OGDHL: variants seen among roughly 807,000 people sequenced by gnomAD.
The protein encoded by OGDHL is oxoglutarate dehydrogenase L.
OGDHL carries 79 observed loss-of-function variants against 109.6 expected under a neutral mutation model. The ratio of observed to expected loss-of-function variants is 0.72; its 90% confidence interval spans 0.60 to 0.87. OGDHL has a LOEUF of 0.87. Among genes scored for constraint, OGDHL ranks in the 40% least tolerant of loss-of-function variants. OGDHL has a pLI of 0.00. For synonymous variants in OGDHL, 528 were observed against 537.2 expected, an observed-to-expected ratio of 0.98 and a Z score of 0.24; for missense variants, 1,275 against 1,362.2, an observed-to-expected ratio of 0.94 and a Z score of 1.01.
At chr10:49,750,497 T>G (rs576229738) in intron 7 of OGDHL, among the ~76,000 whole-genome samples, 1 of 152,270 alleles carries the variant, frequency 6.6e-6, no homozygotes, top group South Asian at 2.1e-4. Context: ...TGCCCTCCCT[T>G]CCCTGGAAGA....
intron 10 of OGDHL, among the ~76,000 whole-genome samples, chr10:49,746,278 G>A (rs138159955): frequency 1.3e-3 from 192 of 152,256 alleles, no homozygotes; most frequent in Admixed American, 2.2e-3. Flanking sequence ...CTGCAACCTG[G>A]GGCAAGGTGC....
At chr10:49,759,487 T>C (rs1198080070) in intron 1 of OGDHL, among the ~76,000 whole-genome samples, 1 of 150,426 alleles carries the variant, frequency 6.6e-6, no homozygotes, top group Admixed American at 6.6e-5. Flanking sequence ...CTTTCAGTGA[T>C]GGGGGCTTTC....
intron 12 of OGDHL, 108 bp from the exon 13 acceptor site, chr10:49,744,860 ACT>A (rs1237787528): frequency 2.3e-6 from 2 of 878,102 alleles, no homozygotes; most frequent in African/African-American, 3.3e-5. Context: ...TTCTTCTAGA[ACT>A]CTCTGTCTCT....
At chr10:49,757,392 G>A (rs112817638) in intron 2 of OGDHL, among the ~76,000 whole-genome samples, 5 of 152,264 alleles carry the variant, frequency 3.3e-5, no homozygotes, top group South Asian at 4.1e-4. Context: ...GCTTTCCTCC[G>A]TGCACTCCCA....
At chr10:49,735,437 G>A (rs542262165) in intron 22 of OGDHL, 86 bp from the exon 23 acceptor site, 12 of 1,496,466 alleles carry the variant, frequency 8.0e-6, no homozygotes, top group Admixed American at 4.1e-5. Context: ...CAGGGGGCAC[G>A]CATCTGAGAA....
In OGDHL at chr10:49,736,046, G is replaced by T. The variant is rs777997434; in HGVS notation, c.2886C>A (p.Ile962=). The change falls in exon 22 of 23, where the codon ATC becomes ATA. Residue 962 remains isoleucine (I), a synonymous_variant. Coordinates refer to ENST00000374103, the MANE Select transcript of OGDHL (RefSeq NM_018245.3). ...ACCATATGGGCCGTGCGCGCCTCAGGATGGTCATGAAGCGTGGGCTGATGT... is the reference window on the plus strand; with the variant it reads ...ACCATATGGGCCGTGCGCGCCTCAGTATGGTCATGAAGCGTGGGCTGATGT... ...YDYISPRFMT[I]LRRARPIWYV... is the part of the protein sequence containing the mutation. 1.5e-5 allele frequency: 24 copies of T among 1,598,614 alleles called. No individual in the cohort carries two copies. The South Asian group carries it at 2.7e-4, about 18-fold the overall frequency.
Position 49,745,347 on chromosome 10 carries a change from A to C in OGDHL, c.1626T>G (p.Phe542Leu). The change falls in exon 12 of 23, where the codon TTT (phenylalanine) becomes TTG (leucine). Residue 542 changes from phenylalanine (F) to leucine (L), a missense_variant. Transcript: ENST00000374103. ...IAEGTVTLQE[F>L]EEEIAKYDRI... Reference sequence around the variant, plus strand: ...CCCCTGCAGCCTGCCTGCCCACCTCAAACTCCTGCAGGGTGACTGTGCCCT... The same window carrying C: ...CCCCTGCAGCCTGCCTGCCCACCTCCAACTCCTGCAGGGTGACTGTGCCCT... 1 of 1,613,566 alleles carries C rather than the reference A, an allele frequency of 6.2e-7. No individual in the cohort carries two copies. The highest frequency in any genetic ancestry group is 8.5e-7 in the Non-Finnish European group (1 of 1,179,970).
rs1337660431 is a variant in OGDHL at position 49,736,475 on chromosome 10, C to A, written c.2636G>T (p.Arg879Leu). ...RVIPEDGAAA[R>L]APEQVQRLIF... ...GAGCCGCTGCACCTGCTCAGGGGCC[C>A]GTGCTGCGGCCCCATCTTCAGGAAT... The change falls in exon 21 of 23, where the codon CGG becomes CTG. Residue 879 changes from arginine (R) to leucine (L), a missense_variant. By Grantham distance (102) the Arg-to-Leu change is moderately radical. Coordinates refer to ENST00000374103, the MANE Select transcript of OGDHL (RefSeq NM_018245.3). The A allele has an allele frequency of 2.5e-6, 4 of 1,613,826 alleles. No homozygotes were observed. Among genetic ancestry groups the A allele is most frequent in the Non-Finnish European group, 3.4e-6 (4 of 1,180,024 alleles).
In OGDHL at chr10:49,752,040, G is replaced by T. The variant is rs1044394738; in HGVS notation, c.595-59C>A. On this transcript the variant is annotated intron_variant, in intron 5 of 22. Transcript: ENST00000374103. ...GGGAAGAGGGACGGCTGACATCCCTGCTGTCTAGAACAAAAAAGACAGTGC... is the reference window on the plus strand; with the variant it reads ...GGGAAGAGGGACGGCTGACATCCCTTCTGTCTAGAACAAAAAAGACAGTGC... The T allele has an allele frequency of 2.5e-6, 4 of 1,609,196 alleles. No individual in the cohort carries two copies. The African/African-American group carries it at 5.3e-5, about 22-fold the overall frequency.
In OGDHL at chr10:49,750,876, T is replaced by A; in HGVS notation, c.859A>T (p.Met287Leu). The stretch of plus-strand genomic sequence containing the variant: ...CCCAAGATGACATTCTCAATCCCCA[T>A]CTCGCTGGATTTGTCGATGATGGTC... Reference protein sequence around the residue: ...LKTIIDKSSEMGIENVILGMP... With the variant: ...LKTIIDKSSELGIENVILGMP... Residue 287 changes from methionine (M) to leucine (L), a missense_variant, in exon 7 of 23, where the codon ATG becomes TTG. Physicochemically the swap from Met to Leu is conservative, Grantham distance 15 (BLOSUM62 2). Transcript: ENST00000374103. The A allele has an allele frequency of 6.2e-7, 1 of 1,612,330 alleles. No homozygotes were observed. The highest frequency in any genetic ancestry group is 8.5e-7 in the Non-Finnish European group (1 of 1,179,270).
At chr10:49,755,927 G>C (rs900332016) in intron 3 of OGDHL, among the ~76,000 whole-genome samples, 1 of 152,208 alleles carries the variant, frequency 6.6e-6, no homozygotes, top group Non-Finnish European at 1.5e-5. Flanking sequence ...AATAGCTGCT[G>C]TTTGCTCCTA....
At chr10:49,744,878 A>G (rs192208125) in intron 12 of OGDHL, 126 bp from the exon 13 acceptor site, 1 of 748,448 alleles carries the variant, frequency 1.3e-6, no homozygotes, top group African/African-American at 1.7e-5. Context: ...TCTCTGGCCT[A>G]TAGGGACCTC....
At chr10:49,751,062 A>C in intron 6 of OGDHL, 77 bp from the exon 7 acceptor site, 1 of 1,355,304 alleles carries the variant, frequency 7.4e-7, no homozygotes, top group East Asian at 2.5e-5. Context: ...GGGGCTGTTC[A>C]TGAGTGCTCA....
intron 8 of OGDHL, among the ~76,000 whole-genome samples, chr10:49,748,763 C>CACAA (rs766297497): frequency 7.4e-4 from 108 of 146,724 alleles, no homozygotes; most frequent in South Asian, 1.6e-3. Flanking sequence ...CACACACACA[C>CACAA]ACACACACAC....
intron 8 of OGDHL, among the ~76,000 whole-genome samples, chr10:49,748,007 C>T (rs12242054): frequency 0.024 from 3,607 of 152,160 alleles, 126 homozygotes; most frequent in African/African-American, 0.081. Flanking sequence ...TGAAAGGATT[C>T]GAGAGCGTGT....
chr10:49,755,283 A>C (rs1166476578), intron 3 of OGDHL, among the ~76,000 whole-genome samples: 1 of 152,174 alleles, frequency 6.6e-6, no homozygotes, highest in African/African-American at 2.4e-5. Flanking sequence ...GGCAAACACA[A>C]ATGTCAACTG....
chr10:49,746,849 G>A lies in OGDHL; in HGVS notation c.1197C>T (p.Ala399=), dbSNP rs139847941. ...KVMSILVHGD[A]AFAGQGVVYE... is the part of the protein sequence containing the mutation. ...ATACCACGCCCTGGCCAGCAAAGGC[G>A]GCGTCCCCATGAACCAGGATGGACA... Residue 399 remains alanine (A), a synonymous_variant, in exon 10 of 23, where the codon GCC becomes GCT. Coordinates refer to ENST00000374103, the MANE Select transcript of OGDHL (RefSeq NM_018245.3). 136 of 1,614,138 alleles carry A rather than the reference G, an allele frequency of 8.4e-5. No homozygotes were observed. Among genetic ancestry groups the A allele is most frequent in the African/African-American group, 3.2e-4 (24 of 75,038 alleles).
At chr10:49,743,933 T>G in intron 14 of OGDHL, 61 bp downstream of exon 14, 1 of 1,575,668 alleles carries the variant, frequency 6.3e-7, no homozygotes, top group Non-Finnish European at 8.6e-7. Flanking sequence ...CAATCTCCCT[T>G]CGAGGCACAG....
At chr10:49,744,586 C>A in intron 13 of OGDHL, 64 bp downstream of exon 13, 1 of 1,308,956 alleles carries the variant, frequency 7.6e-7, no homozygotes, top group Non-Finnish European at 1.1e-6. Flanking sequence ...CATTCCAGTC[C>A]TGATCCCAGT....
Sources: allele counts gnomAD v4.1 joint callset (sites outside exome capture counted in the v4.1 genomes callset), GRCh38; gene constraint gnomAD v4.1.1; transcripts MANE v1.5; gene names NCBI Gene and HGNC (gene_info 2026-07-23, HGNC 2026-07-21).